The following ANAPC5 variants were observed in gnomAD, a reference collection of about 807,000 sequenced individuals.
ANAPC5 encodes anaphase promoting complex subunit 5, also known as anaphase-promoting complex subunit 5.
Under a neutral mutation model 91.3 loss-of-function variants are expected in ANAPC5, and 60 were observed. The observed-to-expected ratio is 0.66, with a 90% CI of 0.53 to 0.81. The LOEUF (loss-of-function observed/expected upper bound fraction) is 0.81, where lower values mean the gene tolerates loss of function less well. Ranked by LOEUF, ANAPC5 falls within the 40% of genes least tolerant of loss-of-function variation. The pLI, the probability that ANAPC5 is intolerant of heterozygous loss-of-function variation, is 0.00. For missense variants in ANAPC5, 690 were observed against 931.5 expected (o/e 0.74, Z 3.37); for synonymous variants, 340 against 364.1 (o/e 0.93, Z 0.75).
intron 9 of ANAPC5, among the ~76,000 whole-genome samples, chr12:121,329,617 C>CTT (rs201582258): frequency 2.9e-5 from 4 of 138,088 alleles, no homozygotes; most frequent in South Asian, 2.3e-4. Flanking sequence ...CTTGTGCTTC[C>CTT]TTTTTTTTTT....
Position 121,342,950 on chromosome 12 carries a change from G to C in ANAPC5, c.591-881C>G, listed in dbSNP as rs1035258292. Among the ~76,000 whole-genome samples, 4 of 152,046 alleles carry C rather than the reference G, an allele frequency of 2.6e-5. No individual in the cohort carries two copies. Among genetic ancestry groups the C allele is most frequent in the Non-Finnish European group, 5.9e-5 (4 of 67,988 alleles). On this transcript the variant is annotated intron_variant, in intron 4 of 16. Coordinates refer to ENST00000261819, the MANE Select transcript of ANAPC5 (RefSeq NM_016237.5). The surrounding 1 kb of genome is among the most constrained non-coding windows in gnomAD (Gnocchi z 4.1). ...TAAGTACATCCTATAAAATAAAAAGGTTCTCTAACAAAGTAATTTCTTTTA... is the reference window on the plus strand; with the variant it reads ...TAAGTACATCCTATAAAATAAAAAGCTTCTCTAACAAAGTAATTTCTTTTA...
Position 121,342,362 on chromosome 12 carries a change from A to T in ANAPC5, c.591-293T>A, listed in dbSNP as rs559431740. Among the ~76,000 whole-genome samples the T allele has an allele frequency of 3.9e-5, 6 of 152,238 alleles. No homozygotes were observed. The highest frequency in any genetic ancestry group is 7.4e-5 in the Non-Finnish European group (5 of 67,998). ...GGGAAAACTGCACATCCACATGCAAAAGCATGAAGGTGGATCCTTATCTAA... is the reference window on the plus strand; with the variant it reads ...GGGAAAACTGCACATCCACATGCAATAGCATGAAGGTGGATCCTTATCTAA... On this transcript the variant is annotated intron_variant, in intron 4 of 16. Coordinates refer to ENST00000261819, the MANE Select transcript of ANAPC5 (RefSeq NM_016237.5). The surrounding 1 kb of genome is among the most constrained non-coding windows in gnomAD (Gnocchi z 4.1).
rs782074122 is a variant in ANAPC5 at position 121,337,389 on chromosome 12, A to C, written c.661T>G (p.Ser221Ala). 2 of 1,610,360 alleles carry C rather than the reference A, an allele frequency of 1.2e-6. No homozygotes were observed. Among genetic ancestry groups the C allele is most frequent in the Admixed American group, 1.7e-5 (1 of 59,742 alleles). ...QAEFFLSQQA[S>A]LLKNDETKAL... ...TTAGTCTCATCATTCTTTAGCAAAGAAGCCTGAAATTTAAAAATGGTAACT... is the reference window on the plus strand; with the variant it reads ...TTAGTCTCATCATTCTTTAGCAAAGCAGCCTGAAATTTAAAAATGGTAACT... The change falls in exon 6 of 17, where the codon TCT (serine) becomes GCT (alanine). Residue 221 changes from serine to alanine, a missense_variant. This residue lies in a region of ANAPC5 where 238 missense variants were observed against 264.9 expected (regional missense o/e 0.90). Transcript: ENST00000261819.
Position 121,352,395 on chromosome 12 carries a change from C to A in ANAPC5, c.-55G>T. 2 of 1,393,378 alleles carry A rather than the reference C, an allele frequency of 1.4e-6. No individual in the cohort carries two copies. The highest frequency in any genetic ancestry group is 2.0e-6 in the Non-Finnish European group (2 of 1,001,820). 86.3% of individuals were successfully genotyped at this position (1,393,378 alleles called of 1,614,324 possible). On this transcript the variant is annotated 5_prime_UTR_variant, in exon 1 of 17. Coordinates refer to ENST00000261819, the MANE Select transcript of ANAPC5 (RefSeq NM_016237.5). ...GGCGCGCTGCCGCCAGTTGTCACCA[C>A]AAGGCACAACACTACCGGGTCTACA...
At chr12:121,309,146 CAAAAAAAAAAAA>C (rs35933671) in intron 16 of ANAPC5, among the ~76,000 whole-genome samples, 1 of 36,848 alleles carries the variant, frequency 2.7e-5, no homozygotes, top group Non-Finnish European at 5.8e-5. Flanking sequence ...GACTCCATCT[CAAAAAAAAAAAA>C]AAAAAAAAAA....
upstream of ANAPC5, chr12:121,352,507 A>C: frequency 1.7e-6 from 1 of 598,756 alleles, no homozygotes; most frequent in Non-Finnish European, 2.9e-6. Context: ...CTGTCAGAGC[A>C]CATGGGAGAG....
At chr12:121,339,867 A>G (rs1320309110) in intron 5 of ANAPC5, among the ~76,000 whole-genome samples, 1 of 114,936 alleles carries the variant, frequency 8.7e-6, no homozygotes, top group Non-Finnish European at 1.7e-5. Context: ...GTTTTCTTCC[A>G]GTTTTTTTTT....
At chr12:121,310,020 C>A in intron 15 of ANAPC5, 157 bp from the exon 16 acceptor site, 1 of 584,644 alleles carries the variant, frequency 1.7e-6, no homozygotes, top group South Asian at 3.4e-5. Flanking sequence ...TCCTAGAAAA[C>A]ACAACATGTG....
At chr12:121,341,305 A>G (rs1903450336) in intron 5 of ANAPC5, among the ~76,000 whole-genome samples, 1 of 152,196 alleles carries the variant, frequency 6.6e-6, no homozygotes, top group African/African-American at 2.4e-5. Context: ...CCCCATCTCT[A>G]CTAAAGATAC....
At chr12:121,328,839 C>T in intron 9 of ANAPC5, 1 of 217,850 alleles carries the variant, frequency 4.6e-6, no homozygotes, top group Non-Finnish European at 9.2e-6. Flanking sequence ...GTAAAATGGG[C>T]ATCAAACCTA....
At position 121,319,717 on chromosome 12, in the gene ANAPC5, A is replaced by G. The variant is rs1251663670; in HGVS notation, c.1617T>C (p.Asn539=). The G allele has an allele frequency of 3.7e-6, 6 of 1,612,130 alleles. No homozygotes were observed. The highest frequency in any genetic ancestry group is 5.1e-6 in the Non-Finnish European group (6 of 1,179,470). Residue 539 remains asparagine, a synonymous_variant, in exon 13 of 17, where the codon AAT becomes AAC. Transcript: ENST00000261819. ...DSLVTGITAL[N]SIEGVYRKAV... is the part of the protein sequence containing the mutation. ...CTTACCTATAAACACCCTCTATGCT[A>G]TTGAGAGCTGTGATTCCTGTAACAA...
At chr12:121,346,102 A>G in intron 3 of ANAPC5, 71 bp from the exon 4 acceptor site, 2 of 1,215,274 alleles carry the variant, frequency 1.6e-6, no homozygotes, top group Non-Finnish European at 2.3e-6. Flanking sequence ...CAACTCCACA[A>G]TGGCAATGAC....
intron 5 of ANAPC5, among the ~76,000 whole-genome samples, chr12:121,339,294 A>G (rs1376030186): frequency 3.3e-5 from 5 of 151,716 alleles, no homozygotes; most frequent in Non-Finnish European, 5.9e-5. Context: ...CAGGTGATCC[A>G]CCTGCCTCTG....
chr12:121,350,351 A>G (rs1431909412), intron 1 of ANAPC5, among the ~76,000 whole-genome samples: 1 of 152,200 alleles, frequency 6.6e-6, no homozygotes, highest in Non-Finnish European at 1.5e-5. Flanking sequence ...TCAACAGACA[A>G]TGCTTATCCA....
At chr12:121,328,972 C>T (rs1902926238) in intron 9 of ANAPC5, 1 of 152,930 alleles carries the variant, frequency 6.5e-6, no homozygotes, top group African/African-American at 2.4e-5. Context: ...TTGTCATTAG[C>T]TTTTGGTGTC....
At chr12:121,337,235 A>T in intron 6 of ANAPC5, 56 bp downstream of exon 6, 1 of 1,426,714 alleles carries the variant, frequency 7.0e-7, no homozygotes, top group Non-Finnish European at 9.8e-7. Flanking sequence ...AACAAACAAA[A>T]AAAGTTGCCT....
intron 4 of ANAPC5, among the ~76,000 whole-genome samples, chr12:121,344,350 G>A (rs1335527631): frequency 2.6e-5 from 4 of 152,146 alleles, no homozygotes; most frequent in African/African-American, 7.2e-5. Context: ...AGGCCAAGGC[G>A]GGTGGATCAC....
chr12:121,316,452 C>G (rs2461474), intron 15 of ANAPC5, among the ~76,000 whole-genome samples: 34,466 of 151,904 alleles, frequency 0.23, 8,672 homozygotes, highest in African/African-American at 0.63. Context: ...AGGTATTCAA[C>G]CCCGGGCGCG....
In ANAPC5 at chr12:121,342,041, G is replaced by A. The variant is rs782011475; in HGVS notation, c.619C>T (p.Leu207=). Residue 207 remains leucine (L), a synonymous_variant, in exon 5 of 17, where the codon CTG becomes TTG. Coordinates refer to ENST00000261819, the MANE Select transcript of ANAPC5 (RefSeq NM_016237.5). This position sits in a 1 kb window ranked among gnomAD's most constrained non-coding sequence, Gnocchi z 4.1. ...REEEVSCSGP[L]SQKQAEFFLS... The stretch of plus-strand genomic sequence containing the variant: ...AAAAATTCTGCTTGTTTTTGGGACA[G>A]AGGCCCACTGCAAGATACCTCCTCT... 3.7e-6 allele frequency: 6 copies of A among 1,609,982 alleles called. No homozygotes were observed. In the African/African-American group the frequency reaches 8.0e-5, roughly 22 times the overall value.
Sources: gnomAD v4.1 joint callset for allele counts (sites outside exome capture counted in the v4.1 genomes callset) on GRCh38, gnomAD v4.1.1 for gene constraint, gnomAD v4.1.1 regional missense constraint, Gnocchi (gnomAD v3.1) non-coding constraint, MANE v1.5 for transcripts, NCBI Gene and HGNC (gene_info 2026-07-23, HGNC 2026-07-21) for gene names.